GALNT5: variants seen among roughly 807,000 people sequenced by gnomAD.
GALNT5 encodes the protein UDP-GalNAc:polypeptide N-acetylgalactosaminyltransferase 5.
In GALNT5, 72 loss-of-function variants were observed where a neutral mutation model predicts 85.4. The observed-to-expected ratio is 0.84, with a 90% CI of 0.70 to 1.03. GALNT5 has a LOEUF of 1.03. Ranked by LOEUF, GALNT5 falls within the 50% of genes least tolerant of loss-of-function variation. The pLI, the probability that GALNT5 is intolerant of heterozygous loss-of-function variation, is 0.00. For missense variants in GALNT5, 1,137 were observed against 1,135.5 expected (o/e 1.00, Z -0.02); for synonymous variants, 404 against 397.0 (o/e 1.02, Z -0.21).
In GALNT5 at chr2:157,263,991, G is replaced by A. The variant is rs537238129; in HGVS notation, c.1454+4455G>A. Among the ~76,000 whole-genome samples the A allele has an allele frequency of 2.0e-4, 30 of 152,132 alleles. No homozygotes were observed. The East Asian group carries it at 4.4e-3, about 23-fold the overall frequency. On this transcript the variant is annotated intron_variant, in intron 1 of 9. Transcript: ENST00000259056. ...TATTTTATTTACAAGAATGTTTTACGTCAGTATGTAAAATACAACTTCATT... is the reference window on the plus strand; with the variant it reads ...TATTTTATTTACAAGAATGTTTTACATCAGTATGTAAAATACAACTTCATT...
chr2:157,260,142 G>C (rs1163418975), intron 1 of GALNT5, among the ~76,000 whole-genome samples: 1 of 152,156 alleles, frequency 6.6e-6, no homozygotes, highest in African/African-American at 2.4e-5. Context: ...GTTGGAAAAA[G>C]TCAATCAGTC....
intron 3 of GALNT5, among the ~76,000 whole-genome samples, chr2:157,288,723 T>C (rs1683027712): frequency 1.3e-5 from 2 of 152,306 alleles, no homozygotes; most frequent in East Asian, 1.9e-4. Context: ...CTGTCTGATG[T>C]ACATTTTGAA....
chr2:157,271,609 A>C (rs1682586225), intron 1 of GALNT5, among the ~76,000 whole-genome samples: 1 of 152,136 alleles, frequency 6.6e-6, no homozygotes, highest in Non-Finnish European at 1.5e-5. Context: ...TATGGTCAGG[A>C]AGAGGGTGAA....
At position 157,271,671 on chromosome 2, in the gene GALNT5, T is replaced by G. The variant is rs896187285; in HGVS notation, c.1454+12135T>G. Among the ~76,000 whole-genome samples, 5 of 152,292 alleles carry G rather than the reference T, an allele frequency of 3.3e-5. No homozygotes were observed. In the East Asian group the frequency reaches 9.6e-4, roughly 29 times the overall value. Reference sequence around the variant, plus strand: ...AGCAAGGTGGGTGGCGATGCCATTATGAGGGAAATGCAGAGGAGCTGGTTG... The same window carrying G: ...AGCAAGGTGGGTGGCGATGCCATTAGGAGGGAAATGCAGAGGAGCTGGTTG... On this transcript the variant is annotated intron_variant, in intron 1 of 9. Transcript: ENST00000259056.
intron 5 of GALNT5, chr2:157,298,944 G>GGAAGACCGGAAGACCA (rs1558901935): frequency 1.3e-5 from 2 of 152,046 alleles, no homozygotes; most frequent in Admixed American, 6.6e-5. Flanking sequence ...ACGGAAGACC[G>GGAAGACCGGAAGACCA]GAAGACCGGA....
At position 157,317,205 on chromosome 2, in the gene GALNT5, T is replaced by A. The variant is rs1261633690; in HGVS notation, c.*5857T>A. 6.7e-6 allele frequency among the ~76,000 whole-genome samples: 1 copy of A among 148,162 alleles called. No homozygotes were observed. Among genetic ancestry groups the A allele is most frequent in the African/African-American group, 2.4e-5 (1 of 40,890 alleles). On this transcript the variant is annotated 3_prime_UTR_variant, in exon 10 of 10. Coordinates refer to ENST00000259056, the MANE Select transcript of GALNT5 (RefSeq NM_014568.3). Reference sequence around the variant, plus strand: ...ATATATATATATATATATATTTTTTTTTTTGATGCTTTGATCTGGAAGAAA... The same window carrying A: ...ATATATATATATATATATATTTTTTATTTTGATGCTTTGATCTGGAAGAAA...
At position 157,258,903 on chromosome 2, in the gene GALNT5, C is replaced by A. The variant is rs758122803; in HGVS notation, c.821C>A (p.Thr274Lys). The change falls in exon 1 of 10, where the codon ACG becomes AAG. Residue 274 changes from threonine to lysine, a missense_variant. Thr to Lys is a moderately conservative substitution (Grantham distance 78, BLOSUM62 -1). Transcript: ENST00000259056. Reference sequence around the variant, plus strand: ...AATGCAAATAAACACAAAGCCAATACGAGTCTTCCTTTTCCTAAGTTCACT... The same window carrying A: ...AATGCAAATAAACACAAAGCCAATAAGAGTCTTCCTTTTCCTAAGTTCACT... ...EVNANKHKAN[T>K]SLPFPKFTVN... is the part of the protein sequence containing the mutation. The A allele has an allele frequency of 3.2e-6, 5 of 1,560,164 alleles. No homozygotes were observed. Among genetic ancestry groups the A allele is most frequent in the African/African-American group, 2.7e-5 (2 of 72,808 alleles).
At chr2:157,259,676 A>G (rs1487705862) in intron 1 of GALNT5, 140 bp downstream of exon 1, 3 of 590,306 alleles carry the variant, frequency 5.1e-6, no homozygotes, top group Admixed American at 6.8e-5. Flanking sequence ...TATCATTCAA[A>G]TATTTCACCA....
At chr2:157,282,052 T>C (rs1019967069) in intron 1 of GALNT5, among the ~76,000 whole-genome samples, 3 of 152,224 alleles carry the variant, frequency 2.0e-5, no homozygotes, top group Non-Finnish European at 4.4e-5. Flanking sequence ...TCTCATATTA[T>C]TCAGAAGTGC....
rs1683704898 is a variant in GALNT5, at chr2:157,316,369, G to A, written c.*5021G>A. 6.7e-6 allele frequency among the ~76,000 whole-genome samples: 1 copy of A among 150,138 alleles called. No homozygotes were observed. The stretch of plus-strand genomic sequence containing the variant: ...CGAGAACTATTTTACCCTTTCTAAT[G>A]GCCTAAAATAAATTTTTAATGACTC... On this transcript the variant is annotated 3_prime_UTR_variant, in exon 10 of 10. Coordinates refer to ENST00000259056, the MANE Select transcript of GALNT5 (RefSeq NM_014568.3).
chr2:157,301,213 G>T (rs1392316505), intron 7 of GALNT5, among the ~76,000 whole-genome samples: 2 of 152,234 alleles, frequency 1.3e-5, no homozygotes, highest in Non-Finnish European at 2.9e-5. Flanking sequence ...GATATCTATT[G>T]AGTATCCGTA....
intron 5 of GALNT5, 118 bp from the exon 6 acceptor site, chr2:157,299,430 G>T (rs1244915932): frequency 2.3e-5 from 15 of 639,128 alleles, no homozygotes; most frequent in Non-Finnish European, 4.3e-5. Context: ...GGGCTTCCCT[G>T]CATCAGGTAG....
At position 157,314,359 on chromosome 2, in the gene GALNT5, G is replaced by GT. The variant is rs1389527354; in HGVS notation, c.*3013dup. 2.6e-5 allele frequency: 4 copies of GT among 152,068 alleles called. No individual in the cohort carries two copies. The highest frequency in any genetic ancestry group is 6.6e-5 in the Admixed American group (1 of 15,250). 9.4% of individuals were successfully genotyped at this position (152,068 alleles called of 1,614,324 possible). ...CACAATTTCTTTCTCCTTTTCAACA[G>GT]TTACCCAGCGCTTCTGCCCTACTCT... On this transcript the variant is annotated 3_prime_UTR_variant, in exon 10 of 10. Transcript: ENST00000259056.
intron 9 of GALNT5, among the ~76,000 whole-genome samples, chr2:157,309,230 C>T (rs1345680209): frequency 1.3e-5 from 2 of 152,224 alleles, no homozygotes; most frequent in African/African-American, 2.4e-5. Flanking sequence ...AGCCAACTCT[C>T]ACCAGCTCGC....
intron 1 of GALNT5, among the ~76,000 whole-genome samples, chr2:157,278,142 T>A (rs759314784): frequency 6.6e-6 from 1 of 152,226 alleles, no homozygotes; most frequent in African/African-American, 2.4e-5. Flanking sequence ...GAATGTTGAA[T>A]TTTGGCCCTC....
chr2:157,284,420 T>A lies in GALNT5; in HGVS notation c.1593T>A (p.Ile531=). The change falls in exon 2 of 10, where the codon ATT becomes ATA. Residue 531 remains isoleucine (I), a synonymous_variant. Coordinates refer to ENST00000259056, the MANE Select transcript of GALNT5 (RefSeq NM_014568.3). The part of the protein sequence containing the change: ...NRSPPHLIKE[I]LLVDDFSTKD... ...CTCCTCCACACCTCATCAAGGAGATTCTGCTGGTAGATGACTTCAGCACCA... is the reference window on the plus strand; with the variant it reads ...CTCCTCCACACCTCATCAAGGAGATACTGCTGGTAGATGACTTCAGCACCA... The A allele has an allele frequency of 6.2e-7, 1 of 1,614,028 alleles. No homozygotes were observed. Among genetic ancestry groups the A allele is most frequent in the Non-Finnish European group, 8.5e-7 (1 of 1,179,914 alleles).
chr2:157,284,274 T>C lies in GALNT5; in HGVS notation c.1455-8T>C. On this transcript the variant is annotated splice_region_variant and splice_polypyrimidine_tract_variant and intron_variant, in intron 1 of 9. Coordinates refer to ENST00000259056, the MANE Select transcript of GALNT5 (RefSeq NM_014568.3). ...CATCTCTTGTGCTCTGCTTATATTC[T>C]GGCCCAGATGTGCAGAGCAGCTAGT... The C allele has an allele frequency of 1.2e-6, 2 of 1,612,860 alleles. No individual in the cohort carries two copies. Among genetic ancestry groups the C allele is most frequent in the Non-Finnish European group, 1.7e-6 (2 of 1,179,056 alleles).
Position 157,289,395 on chromosome 2 carries a change from A to ATTTCT in GALNT5, c.1741+3261_1741+3262insTTTCT, listed in dbSNP as rs1299165826. 2.0e-5 allele frequency among the ~76,000 whole-genome samples: 3 copies of ATTTCT among 152,370 alleles called. No individual in the cohort carries two copies. The East Asian group carries it at 5.8e-4, about 29-fold the overall frequency. ...CCATTTTGACAATGGCTTGTGTAGA[A>ATTTCT]ATAAATGTTTCATCACAACTCAGTA... On this transcript the variant is annotated intron_variant, in intron 3 of 9. Transcript: ENST00000259056.
chr2:157,258,685 TAGTCCCAGC>T lies in GALNT5; in HGVS notation c.607_615del (p.Pro203_Ser205del). 6.2e-7 allele frequency: 1 copy of T among 1,613,922 alleles called. No individual in the cohort carries two copies. The highest frequency in any genetic ancestry group is 8.5e-7 in the Non-Finnish European group (1 of 1,179,982). ...TAAAACAGGAGCCCCGGAAGAGTCA[TAGTCCCAGC>T]AGTGACACATCAAAACTAGCAGCTG... On this transcript the variant is annotated inframe_deletion, in exon 1 of 10. Coordinates refer to ENST00000259056, the MANE Select transcript of GALNT5 (RefSeq NM_014568.3).
Sources: gnomAD v4.1 joint callset for allele counts (sites outside exome capture counted in the v4.1 genomes callset) on GRCh38, gnomAD v4.1.1 for gene constraint, MANE v1.5 for transcripts, NCBI Gene and HGNC (gene_info 2026-07-23, HGNC 2026-07-21) for gene names.